Variants in SACS observed in about 807,000 individuals in gnomAD.
SACS encodes sacsin.
SACS carries 197 observed loss-of-function variants against 348.0 expected under a neutral mutation model. The observed-to-expected ratio is 0.57, with a 90% CI of 0.50 to 0.64. The LOEUF is 0.64. SACS is among the 30% of genes least tolerant of loss of function. The pLI, the probability that SACS is intolerant of heterozygous loss-of-function variation, is 0.00. For synonymous variants in SACS, 1,985 were observed against 1,910.6 expected, an observed-to-expected ratio of 1.04 and a Z score of -1.02; for missense variants, 4,999 against 5,360.8, an observed-to-expected ratio of 0.93 and a Z score of 2.11.
At position 23,333,963 on chromosome 13, in the gene SACS, TGA is replaced by T; in HGVS notation, c.9911_9912del (p.Leu3304GlnfsTer14). On this transcript the variant is annotated frameshift_variant, in exon 10 of 10. Transcript: ENST00000382292. LOFTEE classifies it high-confidence loss of function. ...VVPEGDVLLPLSLMHIAVFPN... is the reference protein window; with the variant it reads ...VVPEGDVLLPXSLMHIAVFPN... ...GGAAAAACTGCAATGTGCATAAGGC[TGA>T]GAGGAAGCAGAACATCTCCTTCAGG... 6.2e-7 allele frequency: 1 copy of T among 1,613,900 alleles called. No individual in the cohort carries two copies. The highest frequency in any genetic ancestry group is 8.5e-7 in the Non-Finnish European group (1 of 1,179,848).
In SACS at chr13:23,330,589, A is replaced by G. The variant is rs1883400677; in HGVS notation, c.13287T>C (p.Ser4429=). Residue 4429 remains serine, a synonymous_variant, in exon 10 of 10, where the codon TCT becomes TCC. Coordinates refer to ENST00000382292, the MANE Select transcript of SACS (RefSeq NM_014363.6). ...AAGTGGGAGGAACAAAGAACCTTTG[A>G]GAGTAAGTCTGTCCGGCTGAAGGGG... ...KCPPSAGQTY[S]QRFFVPPTFK... The G allele has an allele frequency of 6.2e-7, 1 of 1,613,876 alleles. No individual in the cohort carries two copies. The highest frequency in any genetic ancestry group is 1.3e-5 in the African/African-American group (1 of 74,888).
chr13:23,395,911 G>A (rs900106968), intron 2 of SACS, among the ~76,000 whole-genome samples: 75 of 152,244 alleles, frequency 4.9e-4, no homozygotes, highest in African/African-American at 1.6e-3. Flanking sequence ...CTTTATATAC[G>A]TATGCATGTA....
intron 5 of SACS, among the ~76,000 whole-genome samples, chr13:23,367,446 A>T (rs1378429743): frequency 6.6e-6 from 1 of 152,220 alleles, no homozygotes; most frequent in Admixed American, 6.5e-5. Flanking sequence ...AATAAACACT[A>T]AACAAGCTAA....
intron 2 of SACS, among the ~76,000 whole-genome samples, chr13:23,378,529 A>G (rs1871906531): frequency 6.6e-6 from 1 of 151,590 alleles, no homozygotes; most frequent in Non-Finnish European, 1.5e-5. Context: ...AGGCCTCTGC[A>G]TCCTGGGTTC....
intron 2 of SACS, among the ~76,000 whole-genome samples, chr13:23,392,239 G>A (rs1397051604): frequency 6.6e-6 from 1 of 152,154 alleles, no homozygotes; most frequent in Non-Finnish European, 1.5e-5. Flanking sequence ...CTATGTAATG[G>A]CCAAAGACAC....
At chr13:23,403,178 A>C (rs1020358091) in intron 2 of SACS, among the ~76,000 whole-genome samples, 49 of 139,382 alleles carry the variant, frequency 3.5e-4, no homozygotes, top group Admixed American at 9.2e-4. Context: ...ACTCCACCTT[A>C]AAAAAAAAAA....
intron 3 of SACS, chr13:23,374,152 T>G (rs1462793341): frequency 1.3e-5 from 2 of 152,272 alleles, no homozygotes; most frequent in African/African-American, 4.8e-5. Flanking sequence ...AATGTCTGCA[T>G]GCCAACGAAC....
rs1264230361 is a variant in SACS, at chr13:23,340,923, G to C, written c.2953C>G (p.Gln985Glu). 1.9e-6 allele frequency: 3 copies of C among 1,613,938 alleles called. No individual in the cohort carries two copies. In the Admixed American group the frequency reaches 5.0e-5, roughly 27 times the overall value. Residue 985 changes from glutamine (Q) to glutamate (E), a missense_variant, in exon 10 of 10, where the codon CAG becomes GAG. Coordinates refer to ENST00000382292, the MANE Select transcript of SACS (RefSeq NM_014363.6). The stretch of plus-strand genomic sequence containing the variant: ...TTTAAGCAGCTAGTGGTCTTTAACT[G>C]TTCTATTTTCAACATGTTTGCCAGA... ...IRLANMLKIE[Q>E]LKTTSCLKLV...
chr13:23,339,613 CA>C lies in SACS; in HGVS notation c.4262del (p.Leu1421TrpfsTer8). ...TTTTCATGGGTATGTCCTCATGCAC[CA>C]AAATGATTGGTTCCACAGAATCTTC... ...LLEDSVEPII[L>X]VHEDIPMKTA... On this transcript the variant is annotated frameshift_variant, in exon 10 of 10. Coordinates refer to ENST00000382292, the MANE Select transcript of SACS (RefSeq NM_014363.6). LOFTEE classifies it high-confidence loss of function. 6.2e-7 allele frequency: 1 copy of C among 1,611,288 alleles called. No homozygotes were observed. Among genetic ancestry groups the C allele is most frequent in the Non-Finnish European group, 8.5e-7 (1 of 1,177,874 alleles).
chr13:23,350,177 G>A (rs548735241), intron 9 of SACS, among the ~76,000 whole-genome samples: 6 of 152,260 alleles, frequency 3.9e-5, no homozygotes, highest in African/African-American at 1.2e-4. Context: ...AAAATCCACT[G>A]AGCTGAGTAA....
intron 1 of SACS, 78 bp from the exon 2 acceptor site, chr13:23,411,818 C>A (rs116525558): frequency 6.5e-6 from 1 of 154,420 alleles, no homozygotes; most frequent in Non-Finnish European, 1.4e-5. Flanking sequence ...AATGCAATTC[C>A]TCATTGAAGA....
chr13:23,415,929 A>T (rs2137976431), intron 1 of SACS, among the ~76,000 whole-genome samples: 1 of 152,282 alleles, frequency 6.6e-6, no homozygotes, highest in East Asian at 1.9e-4. Context: ...TCCTTTAATG[A>T]TTTCATCCAG....
intron 9 of SACS, among the ~76,000 whole-genome samples, chr13:23,345,696 A>G (rs1467375857): frequency 2.0e-5 from 3 of 152,238 alleles, no homozygotes; most frequent in Admixed American, 2.0e-4. Context: ...CACTTTTAAT[A>G]TAAGCTAGAA....
At chr13:23,384,314 A>G (rs1872183711) in intron 2 of SACS, among the ~76,000 whole-genome samples, 1 of 152,188 alleles carries the variant, frequency 6.6e-6, no homozygotes, top group Non-Finnish European at 1.5e-5. Context: ...CTCATCAACT[A>G]TGGAAAGTCC....
At chr13:23,403,666 C>A (rs550280240) in intron 2 of SACS, among the ~76,000 whole-genome samples, 41 of 152,156 alleles carry the variant, frequency 2.7e-4, no homozygotes, top group African/African-American at 9.4e-4. Flanking sequence ...GGCTAGCGAT[C>A]TATTTTGTTA....
At chr13:23,382,329 A>G (rs1477235897) in intron 2 of SACS, among the ~76,000 whole-genome samples, 10 of 151,964 alleles carry the variant, frequency 6.6e-5, no homozygotes, top group Non-Finnish European at 1.5e-4. Flanking sequence ...AATTTTTTGT[A>G]GGTCAGGGGA....
At chr13:23,387,175 G>A (rs779058482) in intron 2 of SACS, among the ~76,000 whole-genome samples, 25 of 151,994 alleles carry the variant, frequency 1.6e-4, no homozygotes, top group Admixed American at 2.6e-4. Context: ...AAAAACGAAT[G>A]TCGGCCGGGC....
chr13:23,378,864 T>C (rs1276899265), intron 2 of SACS, among the ~76,000 whole-genome samples: 2 of 152,200 alleles, frequency 1.3e-5, no homozygotes, highest in Non-Finnish European at 2.9e-5. Flanking sequence ...GATACAATAG[T>C]AGGAAACTTA....
At chr13:23,399,569 TA>T (rs1872867234) in intron 2 of SACS, among the ~76,000 whole-genome samples, 1 of 152,140 alleles carries the variant, frequency 6.6e-6, no homozygotes, top group Admixed American at 6.6e-5. Flanking sequence ...TCAGTTTAGA[TA>T]GTACACTCCT....
Sources: gnomAD v4.1 joint callset for allele counts (sites outside exome capture counted in the v4.1 genomes callset) on GRCh38, gnomAD v4.1.1 for gene constraint, MANE v1.5 for transcripts, NCBI Gene and HGNC (gene_info 2026-07-23, HGNC 2026-07-21) for gene names.